C8orf34: variants seen among roughly 807,000 people sequenced by gnomAD.
C8orf34 encodes the protein uncharacterized protein C8orf34.
In C8orf34, 65 loss-of-function variants were observed where a neutral mutation model predicts 68.3. That is an observed-to-expected ratio of 0.95 (90% CI 0.78 to 1.17). C8orf34 has a LOEUF of 1.17. Ranked by LOEUF, C8orf34 falls within the 50% of genes most tolerant of loss-of-function variation. C8orf34 has a pLI of 0.00. For missense variants in C8orf34, 664 were observed against 655.4 expected (o/e 1.01, Z -0.14); for synonymous variants, 244 against 241.2 (o/e 1.01, Z -0.11).
intron 7 of C8orf34, among the ~76,000 whole-genome samples, chr8:68,552,084 G>A (rs11997770): frequency 2.0e-5 from 3 of 151,896 alleles, no homozygotes; most frequent in Admixed American, 2.0e-4. Context: ...TTCCAGTGAC[G>A]TACATGTCTG....
chr8:68,775,775 G>T (rs1585865103), intron 10 of C8orf34, among the ~76,000 whole-genome samples: 1 of 152,158 alleles, frequency 6.6e-6, no homozygotes, highest in Non-Finnish European at 1.5e-5. Context: ...TTAGCATTCT[G>T]TTCCAAGATT....
At chr8:68,393,696 A>G (rs72664924) in intron 1 of C8orf34, among the ~76,000 whole-genome samples, 14,179 of 152,228 alleles carry the variant, frequency 0.093, 839 homozygotes, top group African/African-American at 0.16. Flanking sequence ...TTCAGCAAGC[A>G]TCAGTTCATG....
chr8:68,449,235 T>A (rs183804476), intron 3 of C8orf34, among the ~76,000 whole-genome samples: 88 of 152,306 alleles, frequency 5.8e-4, no homozygotes, highest in Non-Finnish European at 1.1e-3. Context: ...TTTTTAGAGA[T>A]GTTCCAGTTA....
intron 10 of C8orf34, among the ~76,000 whole-genome samples, chr8:68,752,348 T>A (rs747522478): frequency 6.6e-5 from 10 of 152,158 alleles, no homozygotes; most frequent in Non-Finnish European, 1.0e-4. Context: ...ACTTGTAAGT[T>A]CATTGCTCAT....
chr8:68,548,386 A>ACTT (rs1335121960), intron 7 of C8orf34, among the ~76,000 whole-genome samples: 5 of 151,820 alleles, frequency 3.3e-5, no homozygotes, highest in Admixed American at 3.3e-4. Context: ...TGTAATAGGC[A>ACTT]CTTCTCAAAA....
At chr8:68,462,637 T>A (rs1432719569) in intron 3 of C8orf34, among the ~76,000 whole-genome samples, 1 of 151,712 alleles carries the variant, frequency 6.6e-6, no homozygotes, top group East Asian at 1.9e-4. Flanking sequence ...ATTAAGAAAC[T>A]CACTCAAAAC....
chr8:68,477,013 G>T (rs1812647656), intron 4 of C8orf34, among the ~76,000 whole-genome samples: 1 of 152,158 alleles, frequency 6.6e-6, no homozygotes, highest in Non-Finnish European at 1.5e-5. Flanking sequence ...CAAGTGTATG[G>T]ATTTTCTTGT....
At chr8:68,371,069 A>T (rs555329894) in intron 1 of C8orf34, among the ~76,000 whole-genome samples, 5 of 152,230 alleles carry the variant, frequency 3.3e-5, no homozygotes, top group African/African-American at 9.6e-5. Flanking sequence ...TGATCAAGGG[A>T]AGGTGATTCT....
At chr8:68,681,335 C>G (rs1820364050) in intron 8 of C8orf34, among the ~76,000 whole-genome samples, 3 of 152,138 alleles carry the variant, frequency 2.0e-5, no homozygotes, top group South Asian at 4.1e-4. Context: ...TGATAAATGT[C>G]CATATTAAAA....
At chr8:68,800,690 AT>A (rs1178649317) in intron 12 of C8orf34, among the ~76,000 whole-genome samples, 4 of 152,200 alleles carry the variant, frequency 2.6e-5, no homozygotes, top group Non-Finnish European at 4.4e-5. Flanking sequence ...GACTCATAAA[AT>A]TTTAAAGATA....
intron 12 of C8orf34, among the ~76,000 whole-genome samples, chr8:68,793,492 G>C (rs1452743987): frequency 6.6e-6 from 1 of 152,134 alleles, no homozygotes; most frequent in Admixed American, 6.5e-5. Context: ...ACATAAAAAG[G>C]AACAAGATCA....
At chr8:68,501,299 A>C (rs766001583) in intron 5 of C8orf34, among the ~76,000 whole-genome samples, 9 of 152,284 alleles carry the variant, frequency 5.9e-5, no homozygotes, top group East Asian at 1.9e-4. Context: ...AGTAGTGTCC[A>C]TTTGGGAATT....
At chr8:68,573,664 T>C (rs1026913683) in intron 7 of C8orf34, among the ~76,000 whole-genome samples, 1 of 152,134 alleles carries the variant, frequency 6.6e-6, no homozygotes, top group Non-Finnish European at 1.5e-5. Flanking sequence ...TTTGAACACA[T>C]AGGGCTGGTA....
chr8:68,457,758 A>G (rs1216312167), intron 3 of C8orf34, among the ~76,000 whole-genome samples: 1 of 152,176 alleles, frequency 6.6e-6, no homozygotes, highest in Non-Finnish European at 1.5e-5. Flanking sequence ...GCTCTGCGTC[A>G]GTGACCCCAA....
chr8:68,733,024 ACTGTGCTCCAGC>A (rs1822025822), intron 10 of C8orf34, among the ~76,000 whole-genome samples: 1 of 152,170 alleles, frequency 6.6e-6, no homozygotes, highest in African/African-American at 2.4e-5. Context: ...AGATCACCCC[ACTGTGCTCCAGC>A]CTGGGCAACA....
intron 9 of C8orf34, among the ~76,000 whole-genome samples, chr8:68,713,444 A>C (rs920093683): frequency 6.6e-6 from 1 of 152,142 alleles, no homozygotes; most frequent in East Asian, 1.9e-4. Context: ...GAGAAGATGC[A>C]AACAAGCCAA....
intron 12 of C8orf34, among the ~76,000 whole-genome samples, chr8:68,803,281 A>T (rs539130997): frequency 2.8e-5 from 4 of 143,846 alleles, no homozygotes; most frequent in Non-Finnish European, 4.6e-5. Context: ...ACCAATTCCT[A>T]TCATGTATAA....
rs562435511 is a variant in C8orf34 at position 68,604,392 on chromosome 8, G to A, written c.1106-35984G>A. ...ATTTAAATGACAAAAGATAAACAAT[G>A]TTTACTTTATCAGCAAAAGATAGAC... On this transcript the variant is annotated intron_variant, in intron 7 of 13. Transcript: ENST00000518698. 1.4e-4 allele frequency among the ~76,000 whole-genome samples: 22 copies of A among 151,894 alleles called. No homozygotes were observed. The South Asian group carries it at 4.6e-3, about 32-fold the overall frequency.
At chr8:68,411,694 G>A (rs1408376983) in intron 1 of C8orf34, among the ~76,000 whole-genome samples, 1 of 152,162 alleles carries the variant, frequency 6.6e-6, no homozygotes, top group Non-Finnish European at 1.5e-5. Context: ...CATTGTCTGT[G>A]AATTAGAACT....
Sources: allele counts gnomAD v4.1 joint callset (sites outside exome capture counted in the v4.1 genomes callset), GRCh38; gene constraint gnomAD v4.1.1; transcripts MANE v1.5; gene names NCBI Gene and HGNC (gene_info 2026-07-23, HGNC 2026-07-21).